The following CPPED1 variants were observed in gnomAD, a reference collection of about 807,000 sequenced individuals.
CPPED1 encodes the protein calcineurin like phosphoesterase domain containing 1.
A neutral mutation model predicts 28.0 loss-of-function variants in CPPED1; 28 were observed. The ratio of observed to expected loss-of-function variants is 1.00; its 90% CI spans 0.74 to 1.37. CPPED1 has a LOEUF of 1.37. CPPED1 is among the 40% of genes most tolerant of loss of function. CPPED1 has a pLI of 0.00. For missense variants in CPPED1, 504 were observed against 416.5 expected (o/e 1.21, Z -1.83); for synonymous variants, 198 against 180.2 (o/e 1.10, Z -0.79).
intron 1 of CPPED1, among the ~76,000 whole-genome samples, chr16:12,798,151 AAATT>A (rs1325925963): frequency 6.6e-6 from 1 of 152,216 alleles, no homozygotes; most frequent in Non-Finnish European, 1.5e-5. Flanking sequence ...TTCAAAAATA[AAATT>A]AATTGTGTTT....
chr16:12,762,030 G>T (rs539622315), intron 2 of CPPED1, among the ~76,000 whole-genome samples: 1 of 150,192 alleles, frequency 6.7e-6, no homozygotes, highest in Admixed American at 6.6e-5. Context: ...AAAAAAAAGT[G>T]AACAATGTCA....
intron 1 of CPPED1, among the ~76,000 whole-genome samples, chr16:12,785,631 T>A (rs764214981): frequency 2.0e-5 from 3 of 151,976 alleles, no homozygotes; most frequent in Non-Finnish European, 2.9e-5. Flanking sequence ...TTTCGCCATG[T>A]TGGCCAGGCT....
intron 2 of CPPED1, among the ~76,000 whole-genome samples, chr16:12,763,494 A>G (rs1047759791): frequency 6.6e-6 from 1 of 152,218 alleles, no homozygotes; most frequent in African/African-American, 2.4e-5. Flanking sequence ...TAGAGTCATT[A>G]TTAAAAATAG....
At chr16:12,781,485 A>C (rs1223296898) in intron 1 of CPPED1, 82 bp from the exon 2 acceptor site, 13 of 1,242,310 alleles carry the variant, frequency 1.0e-5, no homozygotes, top group South Asian at 1.4e-5. Context: ...TGCAAAGTGG[A>C]TACACTATTT....
intron 1 of CPPED1, among the ~76,000 whole-genome samples, chr16:12,790,559 T>C (rs907844133): frequency 2.0e-5 from 3 of 152,224 alleles, no homozygotes; most frequent in African/African-American, 4.8e-5. Flanking sequence ...CTGTTACTTG[T>C]ATGCAACCTC....
intron 3 of CPPED1, among the ~76,000 whole-genome samples, chr16:12,701,028 T>C (rs1021350739): frequency 4.6e-5 from 7 of 151,904 alleles, no homozygotes; most frequent in Admixed American, 2.6e-4. Flanking sequence ...AGGAATTTGA[T>C]ATCAGCCTGG....
chr16:12,732,991 A>G (rs1445276910), intron 2 of CPPED1, among the ~76,000 whole-genome samples: 2 of 152,236 alleles, frequency 1.3e-5, no homozygotes, highest in Admixed American at 1.3e-4. Flanking sequence ...CAGAGCAAGC[A>G]ATCAGGAAAT....
In CPPED1 at chr16:12,761,843, T is replaced by A. The variant is rs145046510; in HGVS notation, c.289+19342A>T. ...TTGGCCAACATGGCAAAACCTTACC[T>A]CTACTAAAAATACAAAAAGTAGCCG... On this transcript the variant is annotated intron_variant, in intron 2 of 3. Transcript: ENST00000381774. Among the ~76,000 whole-genome samples the A allele has an allele frequency of 9.0e-3, 1,375 of 152,036 alleles. 12 individuals are homozygous for A. Among genetic ancestry groups the A allele is most frequent in the African/African-American group, 0.032 (1,327 of 41,480 alleles).
intron 2 of CPPED1, among the ~76,000 whole-genome samples, chr16:12,725,147 AG>A (rs2080163519): frequency 6.6e-6 from 1 of 150,982 alleles, no homozygotes; most frequent in African/African-American, 2.4e-5. Flanking sequence ...GCTAGAGTGC[AG>A]TGTGGTGTGA....
chr16:12,753,290 C>T (rs1476482503), intron 2 of CPPED1: 1 of 152,136 alleles, frequency 6.6e-6, no homozygotes, highest in Non-Finnish European at 1.5e-5. Context: ...GAGCTAATCA[C>T]CTTTACTCTT....
At chr16:12,725,634 CTGGG>C (rs2080165869) in intron 2 of CPPED1, among the ~76,000 whole-genome samples, 2 of 152,068 alleles carry the variant, frequency 1.3e-5, no homozygotes, top group African/African-American at 4.8e-5. Flanking sequence ...GAAGGTCAGC[CTGGG>C]AACTGATTTG....
At chr16:12,766,422 C>T (rs2080439905) in intron 2 of CPPED1, among the ~76,000 whole-genome samples, 1 of 149,560 alleles carries the variant, frequency 6.7e-6, no homozygotes, top group East Asian at 1.9e-4. Flanking sequence ...AGGCAGAAGG[C>T]GTTTCTTACA....
At chr16:12,729,348 AT>A (rs1316052983) in intron 2 of CPPED1, among the ~76,000 whole-genome samples, 1 of 152,030 alleles carries the variant, frequency 6.6e-6, no homozygotes, top group Non-Finnish European at 1.5e-5. Flanking sequence ...AGACGTTTTT[AT>A]TTGCCTGGAC....
chr16:12,692,734 A>G (rs1214835372), intron 3 of CPPED1, among the ~76,000 whole-genome samples: 1 of 152,238 alleles, frequency 6.6e-6, no homozygotes, highest in East Asian at 1.9e-4. Context: ...AAGCCTGTTC[A>G]TCTCCTGCAC....
At chr16:12,793,028 C>T (rs1423151692) in intron 1 of CPPED1, among the ~76,000 whole-genome samples, 2 of 152,148 alleles carry the variant, frequency 1.3e-5, no homozygotes, top group Non-Finnish European at 2.9e-5. Context: ...TGCTCCCTGC[C>T]CTGTAGGCAG....
chr16:12,719,699 C>T (rs1323709767), intron 2 of CPPED1, among the ~76,000 whole-genome samples: 1 of 152,154 alleles, frequency 6.6e-6, no homozygotes, highest in African/African-American at 2.4e-5. Flanking sequence ...CTTTGGAAGG[C>T]CAAGGCATGT....
chr16:12,722,628 G>A (rs2080147562), intron 2 of CPPED1, among the ~76,000 whole-genome samples: 1 of 152,152 alleles, frequency 6.6e-6, no homozygotes, highest in East Asian at 1.9e-4. Flanking sequence ...CCCAGCGTGA[G>A]GCAGGAGGCT....
intron 3 of CPPED1, among the ~76,000 whole-genome samples, chr16:12,694,713 T>C (rs2079980120): frequency 9.8e-6 from 1 of 102,370 alleles, no homozygotes; most frequent in African/African-American, 4.3e-5. Flanking sequence ...CTGGATTCTA[T>C]GGATGCTTAA....
chr16:12,688,842 C>A (rs957340424), intron 3 of CPPED1, among the ~76,000 whole-genome samples: 1 of 152,214 alleles, frequency 6.6e-6, no homozygotes, highest in African/African-American at 2.4e-5. Flanking sequence ...AAGCAAAATA[C>A]CTGACCCCAA....
Sources: gnomAD v4.1 joint callset for allele counts (sites outside exome capture counted in the v4.1 genomes callset) on GRCh38, gnomAD v4.1.1 for gene constraint, MANE v1.5 for transcripts, NCBI Gene and HGNC (gene_info 2026-07-23, HGNC 2026-07-21) for gene names.